The following PARD3B variants were observed in gnomAD, a reference collection of about 807,000 sequenced individuals.
PARD3B encodes the protein partitioning defective 3 homolog B.
PARD3B carries 103 observed loss-of-function variants against 130.2 expected under a neutral mutation model. That is an observed-to-expected ratio of 0.79 (90% CI 0.67 to 0.93). The LOEUF is 0.93. Ranked by LOEUF, PARD3B falls within the 40% of genes least tolerant of loss-of-function variation. PARD3B has a pLI of 0.00. For synonymous variants in PARD3B, 583 were observed against 553.2 expected, an observed-to-expected ratio of 1.05 and a Z score of -0.76; for missense variants, 1,609 against 1,499.2, an observed-to-expected ratio of 1.07 and a Z score of -1.21.
chr2:205,364,200 C>T (rs902750839), intron 18 of PARD3B, among the ~76,000 whole-genome samples: 5 of 152,164 alleles, frequency 3.3e-5, no homozygotes, highest in African/African-American at 9.7e-5. Flanking sequence ...AACACTTAGA[C>T]GTGTTCAAAG....
At chr2:204,642,663 T>C (rs35089360) in intron 1 of PARD3B, among the ~76,000 whole-genome samples, 17 of 152,188 alleles carry the variant, frequency 1.1e-4, no homozygotes, top group Middle Eastern at 3.4e-3. Context: ...CATTTTGATA[T>C]GTGATATGGT....
chr2:205,534,171 C>G (rs1291312386), intron 21 of PARD3B, among the ~76,000 whole-genome samples: 1 of 151,956 alleles, frequency 6.6e-6, no homozygotes, highest in Admixed American at 6.6e-5. Flanking sequence ...GGGACTGGTC[C>G]TGGTGCTAGG....
chr2:205,276,338 G>A lies in PARD3B; in HGVS notation c.2186-24192G>A, dbSNP rs905939765. Among the ~76,000 whole-genome samples, 2 of 152,126 alleles carry A rather than the reference G, an allele frequency of 1.3e-5. No individual in the cohort carries two copies. The highest frequency in any genetic ancestry group is 1.3e-4 in the Admixed American group (2 of 15,276). ...AAAATATGTCTTCTGAAAAGATCAC[G>A]AAATCTCAAAGACCTCCAGTTCCTT... is the stretch of plus-strand genomic sequence containing the variant. On this transcript the variant is annotated intron_variant, in intron 16 of 22. Coordinates refer to ENST00000406610, the MANE Select transcript of PARD3B (RefSeq NM_001302769.2). The surrounding 1 kb of genome is among the most constrained non-coding windows in gnomAD (Gnocchi z 5.0).
At chr2:205,516,416 G>T (rs895429687) in intron 21 of PARD3B, among the ~76,000 whole-genome samples, 1 of 151,988 alleles carries the variant, frequency 6.6e-6, no homozygotes, top group Admixed American at 6.6e-5. Flanking sequence ...CCATTTGTTT[G>T]TGTCATCTCT....
chr2:205,017,402 GC>G (rs889261868), intron 3 of PARD3B, among the ~76,000 whole-genome samples: 1 of 151,912 alleles, frequency 6.6e-6, no homozygotes, highest in African/African-American at 2.4e-5. Context: ...AGCCTCAGTT[GC>G]CCCCCCATTC....
intron 2 of PARD3B, among the ~76,000 whole-genome samples, chr2:204,753,804 G>T (rs577840056): frequency 6.6e-6 from 1 of 152,102 alleles, no homozygotes; most frequent in Non-Finnish European, 1.5e-5. Flanking sequence ...TGTAATCCTA[G>T]CACTCTGGGA....
At chr2:205,599,280 T>C (rs374562458) in intron 22 of PARD3B, among the ~76,000 whole-genome samples, 6 of 152,158 alleles carry the variant, frequency 3.9e-5, no homozygotes, top group African/African-American at 4.8e-5. Flanking sequence ...AGATCTTACA[T>C]TGAGGCACAT....
rs1698580211 is a variant in PARD3B, at chr2:205,044,040, A to G, written c.395-3541A>G. 2.0e-5 allele frequency among the ~76,000 whole-genome samples: 3 copies of G among 149,168 alleles called. No individual in the cohort carries two copies. In the Admixed American group the frequency reaches 2.1e-4, roughly 10 times the overall value. On this transcript the variant is annotated intron_variant, in intron 3 of 22. Coordinates refer to ENST00000406610, the MANE Select transcript of PARD3B (RefSeq NM_001302769.2). ...TCTCATTGTTCAATTCCCACCTATG[A>G]GTGAGAATATGCAGTGTTTGGTTTT... is the stretch of plus-strand genomic sequence containing the variant.
At position 205,558,679 on chromosome 2, in the gene PARD3B, G is replaced by A. The variant is rs925465504; in HGVS notation, c.3260+5276G>A. ...GCTCCACATGGATTCTCTCTGTGCC[G>A]TCTCCTCCATTCCTGCCAATTCAAT... On this transcript the variant is annotated intron_variant, in intron 22 of 22. Transcript: ENST00000406610. This position sits in a 1 kb window ranked among gnomAD's most constrained non-coding sequence, Gnocchi z 4.8. Among the ~76,000 whole-genome samples the A allele has an allele frequency of 8.1e-4, 123 of 151,934 alleles. 2 individuals are homozygous for A. The highest frequency in any genetic ancestry group is 7.9e-3 in the Admixed American group (120 of 15,250).
chr2:205,401,397 A>T (rs994404379), intron 19 of PARD3B, among the ~76,000 whole-genome samples: 2 of 152,118 alleles, frequency 1.3e-5, no homozygotes, highest in Non-Finnish European at 2.9e-5. Context: ...TATTTTCTCC[A>T]TGTCTTTTTT....
At chr2:205,004,456 A>G (rs1575536368) in intron 3 of PARD3B, among the ~76,000 whole-genome samples, 1 of 152,246 alleles carries the variant, frequency 6.6e-6, no homozygotes, top group Non-Finnish European at 1.5e-5. Flanking sequence ...GGCCCTAAGC[A>G]TACACAGTAG....
At chr2:205,517,749 C>T (rs2050853791) in intron 21 of PARD3B, among the ~76,000 whole-genome samples, 1 of 152,148 alleles carries the variant, frequency 6.6e-6, no homozygotes, top group Admixed American at 6.6e-5. Flanking sequence ...TTTAACACTG[C>T]CTTAGCTGTG....
chr2:205,113,116 G>A (rs1703758983), intron 5 of PARD3B, among the ~76,000 whole-genome samples: 1 of 152,096 alleles, frequency 6.6e-6, no homozygotes, highest in East Asian at 1.9e-4. Context: ...TTTCTTCTGT[G>A]TTTTTTATGA....
intron 22 of PARD3B, among the ~76,000 whole-genome samples, chr2:205,567,838 G>C (rs1171585460): frequency 6.6e-6 from 1 of 151,788 alleles, no homozygotes; most frequent in Non-Finnish European, 1.5e-5. Context: ...AGTGAGGAAG[G>C]AAAAGGAAGA....
intron 4 of PARD3B, among the ~76,000 whole-genome samples, chr2:205,058,782 T>C (rs1699890791): frequency 6.6e-6 from 1 of 152,000 alleles, no homozygotes; most frequent in Non-Finnish European, 1.5e-5. Flanking sequence ...ATTTTTGAAT[T>C]GTGTTCTTCA....
chr2:204,574,520 A>C (rs1384741387), intron 1 of PARD3B, among the ~76,000 whole-genome samples: 1 of 152,232 alleles, frequency 6.6e-6, no homozygotes, highest in African/African-American at 2.4e-5. Context: ...GAGACATCTC[A>C]GTATGGACAG....
At chr2:205,391,700 G>C (rs2045865351) in intron 18 of PARD3B, among the ~76,000 whole-genome samples, 1 of 152,140 alleles carries the variant, frequency 6.6e-6, no homozygotes, top group Non-Finnish European at 1.5e-5. Context: ...GAAAGCAGAG[G>C]GGTAGAATAA....
chr2:204,545,629 G>GGCCAGT lies in PARD3B; in HGVS notation c.-366_-365insTGCCAG, dbSNP rs1267187442. Among the ~76,000 whole-genome samples the GGCCAGT allele has an allele frequency of 1.1e-4, 17 of 152,148 alleles. No individual in the cohort carries two copies. The East Asian group carries it at 3.1e-3, about 28-fold the overall frequency. ...CCAACGCCGCCAGGGCCAGGGCCAG[G>GGCCAGT]GCCAGGACCAGCGACAGGGCAGGGC... On this transcript the variant is annotated 5_prime_UTR_variant, in exon 1 of 23. Transcript: ENST00000406610.
intron 20 of PARD3B, among the ~76,000 whole-genome samples, chr2:205,468,275 A>T (rs2048702452): frequency 6.6e-6 from 1 of 152,196 alleles, no homozygotes; most frequent in Non-Finnish European, 1.5e-5. Context: ...TGCGATTCTC[A>T]TTTAGCTACA....
Sources: allele counts gnomAD v4.1 joint callset (sites outside exome capture counted in the v4.1 genomes callset), GRCh38; gene constraint gnomAD v4.1.1; non-coding constraint Gnocchi (gnomAD v3.1); transcripts MANE v1.5; gene names NCBI Gene and HGNC (gene_info 2026-07-23, HGNC 2026-07-21).